Variants in SYNPO2 observed in about 807,000 individuals in gnomAD.
The protein encoded by SYNPO2 is synaptopodin-2.
Under a neutral mutation model 85.0 loss-of-function variants are expected in SYNPO2, and 56 were observed. The ratio of observed to expected loss-of-function variants is 0.66; its 90% CI spans 0.53 to 0.82. The LOEUF (loss-of-function observed/expected upper bound fraction) is 0.82, where lower values mean the gene tolerates loss of function less well. SYNPO2 is among the 40% of genes least tolerant of loss of function. SYNPO2 has a pLI of 0.00. For synonymous variants in SYNPO2, 602 were observed against 591.1 expected (o/e 1.02, Z -0.27); for missense variants, 1,575 against 1,534.2 (o/e 1.03, Z -0.44).
intron 1 of SYNPO2, among the ~76,000 whole-genome samples, chr4:118,975,203 T>C (rs557254699): frequency 5.9e-5 from 9 of 152,256 alleles, no homozygotes; most frequent in South Asian, 4.2e-4. Flanking sequence ...CGCTCAGTCA[T>C]TGGGCTAAAG....
At chr4:118,942,148 C>G (rs1247815450) in intron 1 of SYNPO2, among the ~76,000 whole-genome samples, 1 of 152,208 alleles carries the variant, frequency 6.6e-6, no homozygotes, top group African/African-American at 2.4e-5. Flanking sequence ...AGGACAGTCT[C>G]TCCCCAGCCC....
intron 4 of SYNPO2, chr4:119,035,833 A>AC (rs1738488398): frequency 1.0e-6 from 1 of 984,980 alleles, no homozygotes; most frequent in Non-Finnish European, 1.2e-6. Flanking sequence ...AAAAAAAAAA[A>AC]AACACCTGAT....
chr4:118,875,073 C>T lies in SYNPO2; in HGVS notation c.12+24133C>T, dbSNP rs1255971413. Among the ~76,000 whole-genome samples the T allele has an allele frequency of 2.6e-5, 4 of 152,176 alleles. No homozygotes were observed. The South Asian group carries it at 6.2e-4, about 24-fold the overall frequency. On this transcript the variant is annotated intron_variant, in intron 1 of 4. Transcript: ENST00000610556. The stretch of plus-strand genomic sequence containing the variant: ...CCACCACGTGTCCATATGTTCTCAT[C>T]ATTCAGCTCCCACTGACAAGTGAGA...
intron 1 of SYNPO2, among the ~76,000 whole-genome samples, chr4:118,976,474 G>A (rs1005142946): frequency 2.0e-5 from 3 of 152,194 alleles, no homozygotes; most frequent in African/African-American, 7.2e-5. Context: ...GACCCTAGCG[G>A]GTTGCCAATG....
At chr4:118,880,299 G>A (rs948375189) in intron 1 of SYNPO2, among the ~76,000 whole-genome samples, 28 of 152,250 alleles carry the variant, frequency 1.8e-4, no homozygotes, top group African/African-American at 5.5e-4. Context: ...GTGCATTCTT[G>A]TTATGGGGGG....
At position 119,057,825 on chromosome 4, in the gene SYNPO2, C is replaced by T; in HGVS notation, c.3677C>T (p.Ser1226Leu). Residue 1226 changes from serine (S) to leucine (L), a missense_variant, in exon 5 of 5, where the codon TCA becomes TTA. Physicochemically the swap from Ser to Leu is moderately radical, Grantham distance 145 (BLOSUM62 -2). Transcript: ENST00000307142. ...CCATATGCATATTATAGGCAGGCTT[C>T]AAGAAATGATTCTGCAATCATGTCC... is the stretch of plus-strand genomic sequence containing the variant. ...QLPYAYYRQA[S>L]RNDSAIMSME... 8.7e-6 allele frequency: 14 copies of T among 1,614,058 alleles called. No individual in the cohort carries two copies. The highest frequency in any genetic ancestry group is 1.2e-5 in the Non-Finnish European group (14 of 1,180,024).
At chr4:118,903,938 G>A (rs1364452210) in intron 1 of SYNPO2, among the ~76,000 whole-genome samples, 1 of 151,984 alleles carries the variant, frequency 6.6e-6, no homozygotes, top group Non-Finnish European at 1.5e-5. Flanking sequence ...AGATGGTCTT[G>A]ATCTCCTGAC....
At chr4:118,951,598 G>T (rs1429510212) in intron 1 of SYNPO2, among the ~76,000 whole-genome samples, 1 of 152,184 alleles carries the variant, frequency 6.6e-6, no homozygotes, top group Non-Finnish European at 1.5e-5. Context: ...TGTTATTGTT[G>T]TAGTTGTTAT....
chr4:118,962,345 G>C (rs1367183367), intron 1 of SYNPO2, among the ~76,000 whole-genome samples: 1 of 152,146 alleles, frequency 6.6e-6, no homozygotes, highest in Non-Finnish European at 1.5e-5. Flanking sequence ...TTTTTTACTA[G>C]AGGCAGATGT....
At chr4:119,001,035 C>T (rs1386159405) in intron 1 of SYNPO2, among the ~76,000 whole-genome samples, 1 of 152,182 alleles carries the variant, frequency 6.6e-6, no homozygotes, top group Non-Finnish European at 1.5e-5. Context: ...GCTGTTCTTT[C>T]TACCCTCACA....
intron 1 of SYNPO2, among the ~76,000 whole-genome samples, chr4:118,883,415 A>T (rs983744790): frequency 6.6e-6 from 1 of 152,184 alleles, no homozygotes. Context: ...GCCAATATGA[A>T]ATTATTGCAG....
At chr4:118,923,113 G>A (rs181375155) in intron 1 of SYNPO2, among the ~76,000 whole-genome samples, 3 of 152,126 alleles carry the variant, frequency 2.0e-5, no homozygotes, top group East Asian at 3.9e-4. Context: ...CAGAAAATTG[G>A]CGTTTCCTGG....
At chr4:118,995,940 CT>C (rs1736577611) in intron 1 of SYNPO2, among the ~76,000 whole-genome samples, 1 of 151,898 alleles carries the variant, frequency 6.6e-6, no homozygotes, top group Non-Finnish European at 1.5e-5. Context: ...TGTCTTGCCT[CT>C]TTTTATTTCT....
In SYNPO2 at chr4:119,036,888, GA is replaced by G. The variant is rs1351239817; in HGVS notation, c.3252+4862del. 4 of 1,170,314 alleles carry G rather than the reference GA, an allele frequency of 3.4e-6. No individual in the cohort carries two copies. The African/African-American group carries it at 6.4e-5, about 19-fold the overall frequency. 72.5% of individuals were successfully genotyped at this position (1,170,314 alleles called of 1,614,324 possible). A position where few individuals can be genotyped will look rare whatever the true frequency, so the allele number is the denominator to read the frequency against. On this transcript the variant is annotated intron_variant, in intron 4 of 4. Coordinates refer to ENST00000307142, the MANE Select transcript of SYNPO2 (RefSeq NM_133477.3). ...CCTGTCAAACATTTCTCAAACTTCT[GA>G]TTTTATCAAAGGTTTGCCAGCCAAT...
chr4:118,933,829 G>GTTTTTTTTTTTTTTTTTTTTTTTT (rs71595334), intron 1 of SYNPO2, among the ~76,000 whole-genome samples: 23 of 102,288 alleles, frequency 2.2e-4, no homozygotes, highest in East Asian at 6.5e-4. Flanking sequence ...TGTTGTTGTT[G>GTTTTTTTTTTTTTTTTTTTTTTTT]TTTTTTTTTT....
intron 1 of SYNPO2, among the ~76,000 whole-genome samples, chr4:118,868,961 T>C (rs868065318): frequency 1.4e-4 from 21 of 152,208 alleles, no homozygotes; most frequent in Non-Finnish European, 1.9e-4. Flanking sequence ...GCAGGAGATG[T>C]GCTTGCCTGG....
intron 1 of SYNPO2, among the ~76,000 whole-genome samples, chr4:118,873,311 A>G (rs1003741020): frequency 1.3e-5 from 2 of 152,210 alleles, no homozygotes; most frequent in Admixed American, 1.3e-4. Flanking sequence ...CATTTTCACC[A>G]ACAGTGTATA....
intron 1 of SYNPO2, among the ~76,000 whole-genome samples, chr4:118,938,719 T>A (rs1338095220): frequency 6.6e-6 from 1 of 152,210 alleles, no homozygotes; most frequent in South Asian, 2.1e-4. Flanking sequence ...TGTCTTAAAA[T>A]ATTTGAGTTT....
chr4:118,891,395 C>T (rs1052097645), intron 1 of SYNPO2, among the ~76,000 whole-genome samples: 12 of 152,168 alleles, frequency 7.9e-5, no homozygotes, highest in African/African-American at 2.9e-4. Flanking sequence ...TTTGTCCATA[C>T]GTTAAAAAGA....
Sources: gnomAD v4.1 joint callset for allele counts (sites outside exome capture counted in the v4.1 genomes callset) on GRCh38, gnomAD v4.1.1 for gene constraint, MANE v1.5 for transcripts, NCBI Gene and HGNC (gene_info 2026-07-23, HGNC 2026-07-21) for gene names.